PDE1C: variants seen among roughly 807,000 people sequenced by gnomAD.
The protein encoded by PDE1C is phosphodiesterase 1C, also known as dual specificity calcium/calmodulin-dependent 3',5'-cyclic nucleotide phosphodiesterase 1C.
A neutral mutation model predicts 93.1 loss-of-function variants in PDE1C; 62 were observed. That is an observed-to-expected ratio of 0.67 (90% CI 0.54 to 0.82). The LOEUF is 0.82. PDE1C is among the 40% of genes least tolerant of loss of function. The pLI is 0.00. For synonymous variants in PDE1C, 325 were observed against 310.1 expected (o/e 1.05, Z -0.50); for missense variants, 742 against 884.6 (o/e 0.84, Z 2.04).
At chr7:32,170,775 C>A (rs1047956201) in intron 2 of PDE1C, among the ~76,000 whole-genome samples, 6 of 152,026 alleles carry the variant, frequency 3.9e-5, no homozygotes. Flanking sequence ...TCTCCCCCAA[C>A]CCCCAACTCC....
intron 2 of PDE1C, among the ~76,000 whole-genome samples, chr7:31,939,651 G>A (rs2128996451): frequency 6.6e-6 from 1 of 152,292 alleles, no homozygotes; most frequent in African/African-American, 2.4e-5. Flanking sequence ...TCCAAGAACA[G>A]TTCTCACTTT....
chr7:32,124,187 T>C (rs1799446651), intron 3 of PDE1C, among the ~76,000 whole-genome samples: 1 of 152,122 alleles, frequency 6.6e-6, no homozygotes, highest in African/African-American at 2.4e-5. Flanking sequence ...TACAAACCAC[T>C]GCTCAAGGAA....
At chr7:32,353,584 T>A (rs62456305) in intron 1 of PDE1C, among the ~76,000 whole-genome samples, 1 of 150,968 alleles carries the variant, frequency 6.6e-6, no homozygotes, top group African/African-American at 2.4e-5. Context: ...GTTTGTTAGA[T>A]TCTGGATCCA....
At chr7:32,216,085 G>GA (rs1379630232) in intron 1 of PDE1C, among the ~76,000 whole-genome samples, 2 of 152,232 alleles carry the variant, frequency 1.3e-5, no homozygotes, top group African/African-American at 4.8e-5. Flanking sequence ...GTGAAGCTTG[G>GA]AATTACCAGG....
intron 11 of PDE1C, among the ~76,000 whole-genome samples, chr7:31,833,617 C>A (rs1212424294): frequency 1.3e-5 from 2 of 152,010 alleles, no homozygotes; most frequent in African/African-American, 4.8e-5. Context: ...TGTGTTTTAG[C>A]AAAGAGACTG....
At chr7:32,188,363 A>T (rs1447710153) in intron 2 of PDE1C, among the ~76,000 whole-genome samples, 1 of 152,076 alleles carries the variant, frequency 6.6e-6, no homozygotes, top group Non-Finnish European at 1.5e-5. Flanking sequence ...CTCAGCATAC[A>T]TACGATTCAT....
chr7:31,878,047 A>C lies in PDE1C; in HGVS notation c.426-11T>G. The C allele has an allele frequency of 6.3e-7, 1 of 1,598,206 alleles. No individual in the cohort carries two copies. Among genetic ancestry groups the C allele is most frequent in the South Asian group, 1.1e-5 (1 of 90,290 alleles). On this transcript the variant is annotated splice_polypyrimidine_tract_variant and intron_variant, in intron 4 of 17. Coordinates refer to ENST00000396191, the MANE Select transcript of PDE1C (RefSeq NM_001191057.4). Reference sequence around the variant, plus strand: ...GTCCGTCTATACATTCTGAAAAGCCAAAAGGGAAAAATGCAACATGATATC... The same window carrying C: ...GTCCGTCTATACATTCTGAAAAGCCCAAAGGGAAAAATGCAACATGATATC...
intron 1 of PDE1C, chr7:32,298,606 G>A (rs757690088): frequency 5.1e-6 from 8 of 1,561,350 alleles, no homozygotes; most frequent in Non-Finnish European, 6.9e-6. Context: ...ACCGGAGAGG[G>A]CGTTTGCCCG....
chr7:31,817,921 T>C (rs1788467600), intron 14 of PDE1C, among the ~76,000 whole-genome samples: 1 of 152,162 alleles, frequency 6.6e-6, no homozygotes, highest in Non-Finnish European at 1.5e-5. Context: ...TTATATTTGC[T>C]TACCTAAGAT....
intron 3 of PDE1C, among the ~76,000 whole-genome samples, chr7:32,100,633 A>G (rs1797992239): frequency 6.6e-6 from 1 of 152,196 alleles, no homozygotes. Context: ...ACTTACCACA[A>G]TAAGAATGCC....
At chr7:31,932,585 G>A (rs1804472001) in intron 2 of PDE1C, among the ~76,000 whole-genome samples, 1 of 152,148 alleles carries the variant, frequency 6.6e-6, no homozygotes, top group Non-Finnish European at 1.5e-5. Context: ...GTGAGGATGT[G>A]GAGAAATAGG....
intron 1 of PDE1C, among the ~76,000 whole-genome samples, chr7:32,343,564 C>G (rs995022978): frequency 3.3e-5 from 5 of 152,180 alleles, no homozygotes; most frequent in African/African-American, 1.2e-4. Flanking sequence ...AATCAACATC[C>G]ATATTACTCC....
At chr7:32,238,047 G>A (rs1368512361) in intron 1 of PDE1C, among the ~76,000 whole-genome samples, 2 of 152,042 alleles carry the variant, frequency 1.3e-5, no homozygotes, top group Non-Finnish European at 2.9e-5. Flanking sequence ...TGGGATTGCA[G>A]GCGTAAACCA....
intron 11 of PDE1C, among the ~76,000 whole-genome samples, chr7:31,834,672 A>G (rs987478138): frequency 6.6e-5 from 10 of 151,942 alleles, no homozygotes; most frequent in African/African-American, 2.4e-4. Flanking sequence ...CCCCCATTGT[A>G]TCTAGGATGT....
intron 3 of PDE1C, among the ~76,000 whole-genome samples, chr7:32,109,358 AG>A (rs1338997334): frequency 6.6e-6 from 1 of 152,246 alleles, no homozygotes; most frequent in Non-Finnish European, 1.5e-5. Context: ...GCAAGGGAAG[AG>A]ATGGCAAAAT....
chr7:31,679,792 TATGAACGCTTGAG>T, the PDE1C span, among the ~76,000 whole-genome samples: 9 of 152,298 alleles, frequency 5.9e-5, no homozygotes, highest in Admixed American at 1.3e-4. Flanking sequence ...GGCAGCCTTA[TATGAACGCTTGAG>T]GTAATGTTTG....
the PDE1C span, chr7:31,692,640 C>A: frequency 1.1e-6 from 1 of 912,918 alleles, no homozygotes; most frequent in Non-Finnish European, 1.7e-6. Context: ...ATAGTCTGTG[C>A]CTTCTGGTGA....
rs112373838 is a variant in PDE1C, at chr7:32,399,463, C to T, written c.310+28359G>A. Among the ~76,000 whole-genome samples the T allele has an allele frequency of 5.9e-3, 903 of 152,208 alleles. 6 individuals carry two copies. The highest frequency in any genetic ancestry group is 0.02 in the Middle Eastern group (6 of 294). On this transcript the variant is annotated intron_variant, in intron 1 of 1. Transcript: ENST00000672256. Reference sequence around the variant, plus strand: ...GTTGGGTCCTGGTGAGAGCCTACAGCTGGCTTGCGGGCGGTGCCTCTCACT... The same window carrying T: ...GTTGGGTCCTGGTGAGAGCCTACAGTTGGCTTGCGGGCGGTGCCTCTCACT...
chr7:32,153,266 A>G (rs569791532), intron 3 of PDE1C, among the ~76,000 whole-genome samples: 8 of 152,308 alleles, frequency 5.3e-5, no homozygotes, highest in Admixed American at 2.0e-4. Flanking sequence ...GCATGGACAT[A>G]TGGCATCTCG....
Sources: allele counts gnomAD v4.1 joint callset (sites outside exome capture counted in the v4.1 genomes callset), GRCh38; gene constraint gnomAD v4.1.1; transcripts MANE v1.5; gene names NCBI Gene and HGNC (gene_info 2026-07-23, HGNC 2026-07-21).